The following WNT8B variants were observed in gnomAD, a reference collection of about 807,000 sequenced individuals.
WNT8B encodes protein Wnt-8b.
Under a neutral mutation model 36.6 loss-of-function variants are expected in WNT8B, and 24 were observed. The observed-to-expected ratio is 0.66, with a 90% CI of 0.48 to 0.92. WNT8B has a LOEUF of 0.92. Among genes scored for constraint, WNT8B ranks in the 40% least tolerant of loss-of-function variants. WNT8B has a pLI of 0.00. For synonymous variants in WNT8B, 199 were observed against 189.8 expected (o/e 1.05, Z -0.40); for missense variants, 402 against 470.8 (o/e 0.85, Z 1.35).
chr10:100,476,440 C>T (rs1851039119), intron 1 of WNT8B, among the ~76,000 whole-genome samples: 1 of 152,144 alleles, frequency 6.6e-6, no homozygotes, highest in South Asian at 2.1e-4. Flanking sequence ...TCAAAAACTA[C>T]TCACATTTTT....
Position 100,482,984 on chromosome 10 carries a change from A to C in WNT8B, c.*168A>C. ...TGCCACTTTCCAGCCTGTTTCCCCA[A>C]TTCCTCTGTGCTCTCCTAGAGCTCT... On this transcript the variant is annotated 3_prime_UTR_variant, in exon 6 of 6. Coordinates refer to ENST00000343737, the MANE Select transcript of WNT8B (RefSeq NM_003393.4). This position sits in a 1 kb window ranked among gnomAD's most constrained non-coding sequence, Gnocchi z 6.6. 1.3e-6 allele frequency: 1 copy of C among 758,300 alleles called. No homozygotes were observed. Among genetic ancestry groups the C allele is most frequent in the Non-Finnish European group, 2.0e-6 (1 of 499,008 alleles). The allele number at this position is 758,300 out of a possible 1,614,324, so 47.0% of individuals were successfully genotyped here.
rs749708614 is a variant in WNT8B at position 100,482,396 on chromosome 10, C to T, written c.636C>T (p.Tyr212=). ...REVGAHLKEK[Y]HAALKVDLLQ... is the part of the protein sequence containing the mutation. The stretch of plus-strand genomic sequence containing the variant: ...TGGGCGCGCACCTGAAGGAGAAGTA[C>T]CACGCAGCACTCAAGGTGGACCTGC... The change falls in exon 6 of 6, where the codon TAC becomes TAT. Residue 212 remains tyrosine (Y), a synonymous_variant. Transcript: ENST00000343737. The surrounding 1 kb of genome is among the most constrained non-coding windows in gnomAD (Gnocchi z 6.6). 6.2e-7 allele frequency: 1 copy of T among 1,607,274 alleles called. No individual in the cohort carries two copies. The highest frequency in any genetic ancestry group is 2.2e-5 in the East Asian group (1 of 44,860).
Position 100,463,245 on chromosome 10 carries a change from C to A in WNT8B, c.68+9C>A, listed in dbSNP as rs763764424. 1.2e-6 allele frequency: 2 copies of A among 1,612,640 alleles called. No individual in the cohort carries two copies. The highest frequency in any genetic ancestry group is 2.2e-5 in the South Asian group (2 of 91,014). ...CAACTCAGCCACAGCTGGTAAGTAA[C>A]CTGGACTCTTACCTGGAGCTGGGAA... On this transcript the variant is annotated intron_variant, in intron 1 of 5. Transcript: ENST00000343737.
Position 100,474,521 on chromosome 10 carries a change from T to C in WNT8B, c.69-4531T>C, listed in dbSNP as rs761241343. 7.9e-5 allele frequency among the ~76,000 whole-genome samples: 12 copies of C among 152,320 alleles called. No homozygotes were observed. The South Asian group carries it at 1.2e-3, about 16-fold the overall frequency. On this transcript the variant is annotated intron_variant, in intron 1 of 5. Coordinates refer to ENST00000343737, the MANE Select transcript of WNT8B (RefSeq NM_003393.4). ...AAAAGGAAATCATGTCATTGTTTCA[T>C]TGACCAAGAACAAGATCCTCCTCCT...
chr10:100,470,441 G>A (rs1850963388), intron 1 of WNT8B, among the ~76,000 whole-genome samples: 1 of 152,024 alleles, frequency 6.6e-6, no homozygotes, highest in Non-Finnish European at 1.5e-5. Flanking sequence ...CTGTTGCCCA[G>A]GCTGGTTTCA....
intron 1 of WNT8B, among the ~76,000 whole-genome samples, chr10:100,463,618 G>C (rs935762983): frequency 4.6e-5 from 7 of 152,054 alleles, no homozygotes; most frequent in Non-Finnish European, 1.0e-4. Context: ...GTAAAGTCTG[G>C]AGACAAAATT....
In WNT8B at chr10:100,479,976, G is replaced by A; in HGVS notation, c.205G>A (p.Ala69Thr). The A allele has an allele frequency of 6.2e-7, 1 of 1,613,830 alleles. No individual in the cohort carries two copies. The highest frequency in any genetic ancestry group is 2.2e-5 in the East Asian group (1 of 44,876). ...GGACCGCTGGAACTGCCCTGAGAGAGCCCTGCAGCTGTCCAGCCATGGTGG... is the reference window on the plus strand; with the variant it reads ...GGACCGCTGGAACTGCCCTGAGAGAACCCTGCAGCTGTCCAGCCATGGTGG... Reference protein sequence around the residue: ...AWDRWNCPERALQLSSHGGLR... With the variant: ...AWDRWNCPERTLQLSSHGGLR... Residue 69 changes from alanine to threonine, a missense_variant, in exon 3 of 6, where the codon GCC becomes ACC. Around this residue, in one of 3 missense-constraint regions of WNT8B, gnomAD observed 131 missense variants for 152.6 expected, o/e 0.86. Coordinates refer to ENST00000343737, the MANE Select transcript of WNT8B (RefSeq NM_003393.4).
Position 100,483,116 on chromosome 10 carries a change from CTAA to C in WNT8B, c.*302_*304del. On this transcript the variant is annotated 3_prime_UTR_variant, in exon 6 of 6. Coordinates refer to ENST00000343737, the MANE Select transcript of WNT8B (RefSeq NM_003393.4). Reference sequence around the variant, plus strand: ...TTCCTCCTCCCCTCTCCTAGCAGCCCTAATGTCTGACCTAGCCTATCAAGCCTT... The same window carrying C: ...TTCCTCCTCCCCTCTCCTAGCAGCCCTGTCTGACCTAGCCTATCAAGCCTT... The C allele has an allele frequency of 5.5e-6, 2 of 362,218 alleles. No individual in the cohort carries two copies. Among genetic ancestry groups the C allele is most frequent in the East Asian group, 9.1e-5 (2 of 21,958 alleles). 22.4% of individuals were successfully genotyped at this position (362,218 alleles called of 1,614,324 possible).
At chr10:100,480,097 C>T in intron 3 of WNT8B, 85 bp downstream of exon 3, 3 of 1,480,630 alleles carry the variant, frequency 2.0e-6, no homozygotes, top group South Asian at 1.3e-5. Context: ...CCTCGACACC[C>T]TTATTCCTCA....
Position 100,463,200 on chromosome 10 carries a change from G to T in WNT8B, c.32G>T (p.Cys11Phe). Reference protein sequence around the residue: MFLSKPSVYICLFTCVLQLSH... With the variant: MFLSKPSVYIFLFTCVLQLSH... ...CTTTCAAAGCCTTCTGTGTACATCT[G>T]TCTTTTCACCTGTGTCCTCCAACTC... Residue 11 changes from cysteine to phenylalanine, a missense_variant, in exon 1 of 6, where the codon TGT becomes TTT. Physicochemically the swap from Cys to Phe is radical, Grantham distance 205. This residue lies in a region of WNT8B where 131 missense variants were observed against 152.6 expected (regional missense o/e 0.86). Coordinates refer to ENST00000343737, the MANE Select transcript of WNT8B (RefSeq NM_003393.4). The T allele has an allele frequency of 6.2e-7, 1 of 1,613,620 alleles. No individual in the cohort carries two copies. Among genetic ancestry groups the T allele is most frequent in the Non-Finnish European group, 8.5e-7 (1 of 1,179,834 alleles).
chr10:100,481,165 G>A (rs1162954727), intron 4 of WNT8B, 42 bp downstream of exon 4: 5 of 1,604,872 alleles, frequency 3.1e-6, no homozygotes, highest in East Asian at 2.2e-5. Context: ...GCCAGCCAAC[G>A]CACATAAAGA....
chr10:100,473,082 T>G (rs1850997376), intron 1 of WNT8B, among the ~76,000 whole-genome samples: 1 of 152,212 alleles, frequency 6.6e-6, no homozygotes, highest in South Asian at 2.1e-4. Context: ...GCACTTACTA[T>G]GTTCAAAGTA....
intron 1 of WNT8B, among the ~76,000 whole-genome samples, chr10:100,467,261 G>A (rs1003476138): frequency 7.2e-5 from 11 of 152,138 alleles, no homozygotes; most frequent in Non-Finnish European, 1.5e-5. Context: ...CAAGCCAAGA[G>A]AAAATCAGAT....
chr10:100,478,329 G>C (rs1349817850), intron 1 of WNT8B, among the ~76,000 whole-genome samples: 3 of 152,120 alleles, frequency 2.0e-5, no homozygotes, highest in Non-Finnish European at 4.4e-5. Context: ...CAGATTTCCT[G>C]TCTGCAAAAT....
intron 1 of WNT8B, among the ~76,000 whole-genome samples, chr10:100,473,252 G>A (rs1447919009): frequency 6.6e-6 from 1 of 152,164 alleles, no homozygotes; most frequent in Non-Finnish European, 1.5e-5. Flanking sequence ...TCAAGAATAA[G>A]TGAGATTTTT....
At chr10:100,463,746 A>G (rs186002378) in intron 1 of WNT8B, among the ~76,000 whole-genome samples, 25 of 152,244 alleles carry the variant, frequency 1.6e-4, no homozygotes, top group Admixed American at 5.2e-4. Flanking sequence ...CTAAGCAGGC[A>G]TTGGGTTAAC....
intron 1 of WNT8B, among the ~76,000 whole-genome samples, chr10:100,467,665 G>T (rs187916938): frequency 6.6e-6 from 1 of 152,256 alleles, no homozygotes; most frequent in African/African-American, 2.4e-5. Flanking sequence ...ATCCTGTCTG[G>T]TATTTCCTCA....
intron 1 of WNT8B, among the ~76,000 whole-genome samples, chr10:100,478,245 T>A (rs1851064997): frequency 6.6e-6 from 1 of 152,222 alleles, no homozygotes; most frequent in African/African-American, 2.4e-5. Flanking sequence ...GTCAGATGAA[T>A]GTGGATTCAA....
intron 4 of WNT8B, 105 bp from the exon 5 acceptor site, chr10:100,481,807 T>G: frequency 6.8e-7 from 1 of 1,477,260 alleles, no homozygotes; most frequent in Non-Finnish European, 9.1e-7. Context: ...ACCTTAATCC[T>G]CTCCTATCCT....
Sources: gnomAD v4.1 joint callset for allele counts (sites outside exome capture counted in the v4.1 genomes callset) on GRCh38, gnomAD v4.1.1 for gene constraint, gnomAD v4.1.1 regional missense constraint, Gnocchi (gnomAD v3.1) non-coding constraint, MANE v1.5 for transcripts, NCBI Gene and HGNC (gene_info 2026-07-23, HGNC 2026-07-21) for gene names.